DCHS2: variants seen among roughly 807,000 people sequenced by gnomAD.
The protein encoded by DCHS2 is protocadherin-23.
In DCHS2, 142 loss-of-function variants were observed where a neutral mutation model predicts 182.4. The observed-to-expected ratio is 0.78, with a 90% CI of 0.68 to 0.89. DCHS2 has a LOEUF of 0.89. Among genes scored for constraint, DCHS2 ranks in the 40% least tolerant of loss-of-function variants. DCHS2 has a pLI of 0.00. For missense variants in DCHS2, 4,319 were observed against 4,198.6 expected, an observed-to-expected ratio of 1.03 and a Z score of -0.79; for synonymous variants, 1,740 against 1,663.3, an observed-to-expected ratio of 1.05 and a Z score of -1.12.
intron 10 of DCHS2, among the ~76,000 whole-genome samples, chr4:154,309,130 C>A (rs115751731): frequency 6.6e-6 from 1 of 152,170 alleles, no homozygotes; most frequent in Non-Finnish European, 1.5e-5. Context: ...AAGCATCTTT[C>A]TGCTGAGGCC....
chr4:154,467,836 A>G (rs1735300965), intron 1 of DCHS2, among the ~76,000 whole-genome samples: 1 of 152,190 alleles, frequency 6.6e-6, no homozygotes, highest in Admixed American at 6.6e-5. Context: ...ATGCTTTATA[A>G]ATGTTTGCAG....
At chr4:154,439,789 T>C (rs1733925117) in intron 1 of DCHS2, among the ~76,000 whole-genome samples, 1 of 152,222 alleles carries the variant, frequency 6.6e-6, no homozygotes, top group South Asian at 2.1e-4. Flanking sequence ...TAGTAACTAT[T>C]ATAATTTCAA....
chr4:154,386,176 A>G (rs1209956116), intron 1 of DCHS2, among the ~76,000 whole-genome samples: 1 of 152,196 alleles, frequency 6.6e-6, no homozygotes, highest in Non-Finnish European at 1.5e-5. Flanking sequence ...CTTGCTAAGA[A>G]TCTTTCAACA....
At position 154,237,040 on chromosome 4, in the gene DCHS2, C is replaced by A; in HGVS notation, c.7612G>T (p.Gly2538Ter). Residue 2538 changes from glycine (G) to a stop codon, truncating the protein, a stop_gained, in exon 20 of 20, where the codon GGA (glycine) becomes TGA (stop). Coordinates refer to ENST00000357232, the MANE Select transcript of DCHS2 (RefSeq NM_001358235.2). LOFTEE classifies it low-confidence loss of function (END_TRUNC). ...DLRALTLVEI[G>*]IEDMNNYAPE... ...GCATAATTGTTCATATCTTCTATTC[C>A]TATCTCCACTAAAGTAAGAGCTCTC... The A allele has an allele frequency of 6.2e-7, 1 of 1,613,952 alleles. No homozygotes were observed. The highest frequency in any genetic ancestry group is 8.5e-7 in the Non-Finnish European group (1 of 1,179,928).
chr4:154,281,785 C>T lies in DCHS2; in HGVS notation c.6464-11772G>A, dbSNP rs1199076373. ...TACTTACTGACTTCGAAACAGTTTA[C>T]AAAGCTACACCAATCAAAATGTATG... On this transcript the variant is annotated intron_variant, in intron 13 of 19. Transcript: ENST00000357232. Among the ~76,000 whole-genome samples, 4 of 152,150 alleles carry T rather than the reference C, an allele frequency of 2.6e-5. No individual in the cohort carries two copies. In the East Asian group the frequency reaches 7.7e-4, roughly 29 times the overall value.
chr4:154,462,595 A>G (rs1735056270), intron 1 of DCHS2, among the ~76,000 whole-genome samples: 1 of 152,198 alleles, frequency 6.6e-6, no homozygotes, highest in Non-Finnish European at 1.5e-5. Context: ...ATTAAGTGAT[A>G]GAATTTAAAT....
At chr4:154,343,773 T>C (rs908135221) in intron 3 of DCHS2, 1 of 1,005,906 alleles carries the variant, frequency 9.9e-7, no homozygotes, top group African/African-American at 1.7e-5. Flanking sequence ...TTTGCTTTCT[T>C]ATCATTTTTC....
At chr4:154,450,506 T>C (rs1194185281) in intron 1 of DCHS2, among the ~76,000 whole-genome samples, 5 of 152,202 alleles carry the variant, frequency 3.3e-5, no homozygotes, top group African/African-American at 1.2e-4. Context: ...GTAAGAATTT[T>C]TTGGCCAGAA....
chr4:154,261,888 C>A (rs1242793161), intron 14 of DCHS2: 1 of 152,052 alleles, frequency 6.6e-6, no homozygotes, highest in Admixed American at 6.6e-5. Flanking sequence ...AATTAAGATG[C>A]TTTTTGATAT....
At chr4:154,372,526 A>C (rs1730690152) in intron 2 of DCHS2, among the ~76,000 whole-genome samples, 1 of 152,210 alleles carries the variant, frequency 6.6e-6, no homozygotes, top group Non-Finnish European at 1.5e-5. Context: ...GCTTTATCTC[A>C]AACACATATG....
chr4:154,414,181 A>T (rs946746761), intron 1 of DCHS2, among the ~76,000 whole-genome samples: 3 of 132,970 alleles, frequency 2.3e-5, no homozygotes, highest in East Asian at 2.1e-4. Flanking sequence ...TAAATCAATT[A>T]TATATATATA....
intron 14 of DCHS2, chr4:154,269,602 C>A: frequency 4.0e-6 from 1 of 250,790 alleles, no homozygotes. Flanking sequence ...GATCTCACTA[C>A]TCTATCTCCA....
At chr4:154,488,645 G>A (rs1357873232) in intron 1 of DCHS2, among the ~76,000 whole-genome samples, 2 of 152,102 alleles carry the variant, frequency 1.3e-5, no homozygotes, top group East Asian at 1.9e-4. Context: ...GCTCACCCCT[G>A]TAATCCCAGC....
intron 14 of DCHS2, among the ~76,000 whole-genome samples, chr4:154,260,443 T>A (rs1325971915): frequency 6.6e-6 from 1 of 152,190 alleles, no homozygotes; most frequent in Non-Finnish European, 1.5e-5. Flanking sequence ...GTCCCCTGCA[T>A]TAGCCACAAA....
intron 3 of DCHS2, among the ~76,000 whole-genome samples, chr4:154,350,599 C>T (rs1055498695): frequency 4.6e-5 from 7 of 152,214 alleles, no homozygotes; most frequent in African/African-American, 1.7e-4. Context: ...GTATCTTCTA[C>T]ATCTTAGATA....
At chr4:154,365,719 A>G (rs748904680) in intron 3 of DCHS2, among the ~76,000 whole-genome samples, 4 of 151,418 alleles carry the variant, frequency 2.6e-5, no homozygotes, top group Non-Finnish European at 5.9e-5. Flanking sequence ...GCGTGATCTC[A>G]GCTCACTGCA....
chr4:154,259,163 A>G (rs938428274), intron 15 of DCHS2, among the ~76,000 whole-genome samples: 2 of 152,098 alleles, frequency 1.3e-5, no homozygotes, highest in Admixed American at 1.3e-4. Context: ...GACTTAGTGT[A>G]AATATCCTTA....
chr4:154,478,154 A>G (rs1175570410), intron 1 of DCHS2, among the ~76,000 whole-genome samples: 1 of 152,246 alleles, frequency 6.6e-6, no homozygotes, highest in Non-Finnish European at 1.5e-5. Context: ...CACAATAGCT[A>G]TCACTCAAGA....
At chr4:154,355,960 A>G (rs1457557332) in intron 3 of DCHS2, among the ~76,000 whole-genome samples, 1 of 152,182 alleles carries the variant, frequency 6.6e-6, no homozygotes, top group Non-Finnish European at 1.5e-5. Flanking sequence ...ATTATATCAT[A>G]CTTTTTATTA....
Sources: gnomAD v4.1 joint callset for allele counts (sites outside exome capture counted in the v4.1 genomes callset) on GRCh38, gnomAD v4.1.1 for gene constraint, MANE v1.5 for transcripts, NCBI Gene and HGNC (gene_info 2026-07-23, HGNC 2026-07-21) for gene names.